WWOX: variants seen among roughly 807,000 people sequenced by gnomAD.
The protein encoded by WWOX is WW domain containing oxidoreductase, also known as WW domain-containing oxidoreductase.
A neutral mutation model predicts 46.2 loss-of-function variants in WWOX; 69 were observed. The observed-to-expected ratio is 1.49, with a 90% CI of 1.23 to 1.82. The LOEUF is 1.82. Ranked by LOEUF, WWOX falls within the 40% of genes most tolerant of loss-of-function variation. The probability of loss-of-function intolerance (pLI) is 0.00; values close to 1 mark genes in which losing one functional copy is unlikely to be tolerated. For synonymous variants in WWOX, 359 were observed against 202.6 expected (o/e 1.77, Z -6.56); for missense variants, 919 against 542.6 (o/e 1.69, Z -6.89).
At chr16:78,414,200 G>A (rs113743429) in intron 6 of WWOX, among the ~76,000 whole-genome samples, 2,905 of 151,660 alleles carry the variant, frequency 0.019, 46 homozygotes, top group African/African-American at 0.039. Flanking sequence ...CCCAAATCCT[G>A]TAAAACTGCC....
chr16:78,360,135 C>T (rs187076468), intron 5 of WWOX, among the ~76,000 whole-genome samples: 1 of 152,174 alleles, frequency 6.6e-6, no homozygotes, highest in Non-Finnish European at 1.5e-5. Flanking sequence ...TCAACAAAAA[C>T]TAACACTATT....
At chr16:78,462,219 TATCTTTC>T (rs1475789664) in intron 8 of WWOX, among the ~76,000 whole-genome samples, 2 of 152,070 alleles carry the variant, frequency 1.3e-5, no homozygotes, top group African/African-American at 4.8e-5. Context: ...TGATCCTAAA[TATCTTTC>T]TCTCTTGCTC....
At chr16:78,314,844 G>T (rs1367610061) in intron 5 of WWOX, among the ~76,000 whole-genome samples, 6 of 151,624 alleles carry the variant, frequency 4.0e-5, no homozygotes, top group Non-Finnish European at 7.4e-5. Context: ...GAGCCATCAC[G>T]CCTGGTGAAT....
chr16:78,804,061 T>C (rs2050963995), intron 8 of WWOX, among the ~76,000 whole-genome samples: 2 of 152,106 alleles, frequency 1.3e-5, no homozygotes, highest in South Asian at 2.1e-4. Context: ...TTCATCTGAC[T>C]TCCCTCTCCT....
intron 8 of WWOX, among the ~76,000 whole-genome samples, chr16:79,149,296 C>G (rs981292619): frequency 1.3e-5 from 2 of 152,146 alleles, no homozygotes; most frequent in Admixed American, 1.3e-4. Context: ...TCTATATGAT[C>G]ATATGATTTT....
At chr16:78,821,052 C>G (rs1379157966) in intron 8 of WWOX, among the ~76,000 whole-genome samples, 1 of 152,154 alleles carries the variant, frequency 6.6e-6, no homozygotes, top group Admixed American at 6.5e-5. Flanking sequence ...GACCCTGTTT[C>G]CAAATAAAGT....
At chr16:78,577,021 A>G (rs547992333) in intron 8 of WWOX, among the ~76,000 whole-genome samples, 1 of 152,202 alleles carries the variant, frequency 6.6e-6, no homozygotes, top group East Asian at 1.9e-4. Flanking sequence ...AAATTCAGTG[A>G]TTAGTTTATA....
At chr16:78,950,400 G>A (rs757323012) in intron 8 of WWOX, among the ~76,000 whole-genome samples, 12 of 152,088 alleles carry the variant, frequency 7.9e-5, no homozygotes, top group Non-Finnish European at 1.5e-4. Context: ...GTTCTGAGAG[G>A]AAGGGGCTTT....
At chr16:78,927,797 A>T (rs963869109) in intron 8 of WWOX, among the ~76,000 whole-genome samples, 1 of 152,142 alleles carries the variant, frequency 6.6e-6, no homozygotes, top group Non-Finnish European at 1.5e-5. Context: ...GTATCCTTGA[A>T]TAAATGTCTT....
At chr16:78,750,088 A>T (rs1391019743) in intron 8 of WWOX, among the ~76,000 whole-genome samples, 2 of 152,248 alleles carry the variant, frequency 1.3e-5, no homozygotes, top group Admixed American at 1.3e-4. Context: ...CATTGCTGAA[A>T]GTCTTTTTCA....
rs1175194497 is a variant in WWOX at position 79,005,512 on chromosome 16, A to G, written c.1057-206096A>G. ...TTTCGGCAAGGCCATCCTCTCTCTGAAAACTCTATGGGGGCGTCCTCTTTG... is the reference window on the plus strand; with the variant it reads ...TTTCGGCAAGGCCATCCTCTCTCTGGAAACTCTATGGGGGCGTCCTCTTTG... On this transcript the variant is annotated intron_variant, in intron 8 of 8. Coordinates refer to ENST00000566780, the MANE Select transcript of WWOX (RefSeq NM_016373.4). 2.6e-5 allele frequency among the ~76,000 whole-genome samples: 4 copies of G among 152,282 alleles called. No individual in the cohort carries two copies. The East Asian group carries it at 5.8e-4, about 22-fold the overall frequency.
intron 8 of WWOX, among the ~76,000 whole-genome samples, chr16:78,707,899 C>T (rs2048357802): frequency 6.6e-6 from 1 of 151,408 alleles, no homozygotes; most frequent in Admixed American, 6.6e-5. Context: ...AGTATCTGTC[C>T]CCAAGTCACA....
chr16:78,512,591 C>G (rs577242456), intron 8 of WWOX, among the ~76,000 whole-genome samples: 312 of 152,154 alleles, frequency 2.1e-3, no homozygotes, highest in African/African-American at 7.3e-3. Context: ...GTTCATTCAG[C>G]AAATAGGACT....
In WWOX at chr16:78,946,209, G is replaced by A. The variant is rs148304221; in HGVS notation, c.1057-265399G>A. On this transcript the variant is annotated intron_variant, in intron 8 of 8. Coordinates refer to ENST00000566780, the MANE Select transcript of WWOX (RefSeq NM_016373.4). ...TGTTGTTTCTTTTGTTTTTGTTTTCGAGACTGAGTCTTGCTCTGTCGCCCA... is the reference window on the plus strand; with the variant it reads ...TGTTGTTTCTTTTGTTTTTGTTTTCAAGACTGAGTCTTGCTCTGTCGCCCA... Among the ~76,000 whole-genome samples the A allele has an allele frequency of 1.2e-3, 177 of 151,938 alleles. 2 individuals carry two copies. Among genetic ancestry groups the A allele is most frequent in the Admixed American group, 8.5e-4 (13 of 15,262 alleles).
chr16:79,175,896 C>A (rs372943213), intron 8 of WWOX, among the ~76,000 whole-genome samples: 4 of 152,170 alleles, frequency 2.6e-5, no homozygotes, highest in Non-Finnish European at 5.9e-5. Context: ...CCTTTCACAC[C>A]TCTGAGCTTT....
chr16:79,015,706 C>T (rs181543219), intron 8 of WWOX, among the ~76,000 whole-genome samples: 2 of 152,194 alleles, frequency 1.3e-5, no homozygotes, highest in Admixed American at 6.5e-5. Context: ...TTATCTTTTC[C>T]AAAATGGGCT....
At position 78,189,753 on chromosome 16, in the gene WWOX, C is replaced by G. The variant is rs375190795; in HGVS notation, c.516+25464C>G. ...CACTGCAACCTCCGCCTCCCAAGTT[C>G]AAGCGATTCTCCTGGCTCAACCTCC... On this transcript the variant is annotated intron_variant, in intron 5 of 8. Transcript: ENST00000566780. Among the ~76,000 whole-genome samples the G allele has an allele frequency of 1.5e-4, 23 of 152,294 alleles. No homozygotes were observed. In the South Asian group the frequency reaches 4.6e-3, roughly 30 times the overall value.
intron 8 of WWOX, among the ~76,000 whole-genome samples, chr16:78,447,710 T>A (rs190816487): frequency 1.1e-4 from 16 of 152,326 alleles, no homozygotes; most frequent in Middle Eastern, 3.4e-3. Context: ...CCTCTACAGC[T>A]GTTGCTGGGG....
At chr16:79,045,035 C>T (rs892810013) in intron 8 of WWOX, among the ~76,000 whole-genome samples, 2 of 152,206 alleles carry the variant, frequency 1.3e-5, no homozygotes, top group African/African-American at 4.8e-5. Flanking sequence ...CTAGAAGATG[C>T]TAAGTTCTCT....
Sources: gnomAD v4.1 joint callset for allele counts (sites outside exome capture counted in the v4.1 genomes callset) on GRCh38, gnomAD v4.1.1 for gene constraint, MANE v1.5 for transcripts, NCBI Gene and HGNC (gene_info 2026-07-23, HGNC 2026-07-21) for gene names.